Variants in DNAH11 observed in about 807,000 individuals in gnomAD.
The protein encoded by DNAH11 is axonemal beta dynein heavy chain 11.
In DNAH11, 442 loss-of-function variants were observed where a neutral mutation model predicts 526.0. The observed-to-expected ratio is 0.84, with a 90% CI of 0.78 to 0.91. DNAH11 has a LOEUF of 0.91. DNAH11 is among the 40% of genes least tolerant of loss of function. The pLI is 0.00. For missense variants in DNAH11, 6,989 were observed against 5,448.7 expected, an observed-to-expected ratio of 1.28 and a Z score of -8.90; for synonymous variants, 2,461 against 1,935.9, an observed-to-expected ratio of 1.27 and a Z score of -7.12.
rs1178292378 is a variant in DNAH11 at position 21,798,087 on chromosome 7, A to T, written c.10027-3050A>T. ...ACCAGGGTCAGTAAGAGGCAGAGGA[A>T]CTAGAACCAAGACATTCATTCATTC... On this transcript the variant is annotated intron_variant, in intron 61 of 81. Coordinates refer to ENST00000409508, the MANE Select transcript of DNAH11 (RefSeq NM_001277115.2). Among the ~76,000 whole-genome samples the T allele has an allele frequency of 4.6e-5, 7 of 152,220 alleles. No individual in the cohort carries two copies. The East Asian group carries it at 1.3e-3, about 29-fold the overall frequency.
chr7:21,667,118 T>G (rs1258767106), intron 30 of DNAH11, among the ~76,000 whole-genome samples: 2 of 152,068 alleles, frequency 1.3e-5, no homozygotes, highest in African/African-American at 4.8e-5. Flanking sequence ...ATGTGGAGTT[T>G]ATGGTTAGTG....
At chr7:21,614,182 G>T (rs181971159) in intron 20 of DNAH11, among the ~76,000 whole-genome samples, 7 of 152,282 alleles carry the variant, frequency 4.6e-5, no homozygotes, top group East Asian at 3.9e-4. Context: ...TTAAGTATAG[G>T]TATTTAAAGT....
intron 2 of DNAH11, among the ~76,000 whole-genome samples, chr7:21,555,698 G>T (rs1272922496): frequency 6.6e-6 from 1 of 152,192 alleles, no homozygotes; most frequent in African/African-American, 2.4e-5. Context: ...TTGCCTGGTT[G>T]CCATGGTGCC....
chr7:21,564,081 G>A (rs372029122), intron 5 of DNAH11, 105 bp from the exon 6 acceptor site: 3 of 726,922 alleles, frequency 4.1e-6, no homozygotes, highest in Admixed American at 3.0e-5. Flanking sequence ...CAACATTTAA[G>A]TGTGGCCATG....
chr7:21,783,010 ATT>A (rs34330251), intron 57 of DNAH11, among the ~76,000 whole-genome samples: 1 of 151,764 alleles, frequency 6.6e-6, no homozygotes, highest in Non-Finnish European at 1.5e-5. Flanking sequence ...ATTTAAAATG[ATT>A]TTTTTAATGA....
At position 21,591,552 on chromosome 7, in the gene DNAH11, G is replaced by A; in HGVS notation, c.2642G>A (p.Gly881Asp). ...TKKYKLIQGD[G>D]CKIHNLVEEN... ...AAATACAAGTTAATCCAAGGAGATGGCTGCAAGATCCACAACTTGGTCGAG... is the reference window on the plus strand; with the variant it reads ...AAATACAAGTTAATCCAAGGAGATGACTGCAAGATCCACAACTTGGTCGAG... The change falls in exon 14 of 82, where the codon GGC becomes GAC. Residue 881 changes from glycine to aspartate, a missense_variant. By Grantham distance (94) the Gly-to-Asp change is moderately conservative. Transcript: ENST00000409508. The A allele has an allele frequency of 3.2e-6, 5 of 1,575,916 alleles. No homozygotes were observed. The highest frequency in any genetic ancestry group is 4.3e-6 in the Non-Finnish European group (5 of 1,156,826).
chr7:21,614,692 G>C (rs1785684402), intron 20 of DNAH11, among the ~76,000 whole-genome samples: 1 of 152,094 alleles, frequency 6.6e-6, no homozygotes, highest in Non-Finnish European at 1.5e-5. Context: ...ATAATCTGTA[G>C]GGTATTTTTT....
At chr7:21,683,973 G>C (rs774832795) in intron 32 of DNAH11, 29 bp downstream of exon 32, 3 of 1,603,968 alleles carry the variant, frequency 1.9e-6, no homozygotes, top group Non-Finnish European at 2.6e-6. Context: ...CGTCCAGATA[G>C]GAAAAACAAC....
chr7:21,586,957 T>G (rs1784496678), intron 9 of DNAH11, among the ~76,000 whole-genome samples: 2 of 152,208 alleles, frequency 1.3e-5, no homozygotes, highest in Non-Finnish European at 2.9e-5. Context: ...CACTAGCTGT[T>G]ACGAATTTGG....
At chr7:21,737,981 TA>T (rs1172151461) in intron 46 of DNAH11, among the ~76,000 whole-genome samples, 3 of 152,144 alleles carry the variant, frequency 2.0e-5, no homozygotes, top group South Asian at 2.1e-4. Flanking sequence ...TTTGCTCATT[TA>T]AAAAAAGTAC....
intron 63 of DNAH11, among the ~76,000 whole-genome samples, chr7:21,809,002 T>C (rs924640762): frequency 6.6e-6 from 1 of 152,222 alleles, no homozygotes. Flanking sequence ...CCACCAGCAG[T>C]ATACAAGCTT....
chr7:21,601,085 G>A lies in DNAH11; in HGVS notation c.3331G>A (p.Val1111Met). The A allele has an allele frequency of 1.9e-6, 3 of 1,611,638 alleles. No homozygotes were observed. The highest frequency in any genetic ancestry group is 2.5e-6 in the Non-Finnish European group (3 of 1,179,486). ...DFRVFDSWFK[V>M]DMKPFKVSLL... Reference sequence around the variant, plus strand: ...TAGAGTGTTTGATAGTTGGTTCAAGGTGGACATGAAGCCTTTCAAAGTGAG... The same window carrying A: ...TAGAGTGTTTGATAGTTGGTTCAAGATGGACATGAAGCCTTTCAAAGTGAG... Residue 1111 changes from valine to methionine, a missense_variant, in exon 17 of 82, where the codon GTG becomes ATG. Coordinates refer to ENST00000409508, the MANE Select transcript of DNAH11 (RefSeq NM_001277115.2).
In DNAH11 at chr7:21,615,204, C is replaced by T; in HGVS notation, c.3943C>T (p.Gln1315Ter). 1 of 1,613,316 alleles carries T rather than the reference C, an allele frequency of 6.2e-7. No individual in the cohort carries two copies. The highest frequency in any genetic ancestry group is 8.5e-7 in the Non-Finnish European group (1 of 1,179,562). Residue 1315 changes from glutamine to a stop codon, truncating the protein, a stop_gained, in exon 21 of 82, where the codon CAA (glutamine) becomes TAA (stop). Coordinates refer to ENST00000409508, the MANE Select transcript of DNAH11 (RefSeq NM_001277115.2). LOFTEE classifies it high-confidence loss of function. ...TGAAGTGGCTCTTCCAGAGTACAAA[C>T]AAATGAAACAGTGTCGCAAAGAAAT... ...LFEVALPEYK[Q>*]MKQCRKEIKL...
At chr7:21,549,621 C>G (rs1287498941) in intron 2 of DNAH11, among the ~76,000 whole-genome samples, 1 of 152,098 alleles carries the variant, frequency 6.6e-6, no homozygotes, top group African/African-American at 2.4e-5. Flanking sequence ...GAGCTGGATT[C>G]TCAATGGTGA....
At chr7:21,900,744 T>TCTTCC (rs1369465368) in intron 81 of DNAH11, among the ~76,000 whole-genome samples, 1 of 152,086 alleles carries the variant, frequency 6.6e-6, no homozygotes, top group Non-Finnish European at 1.5e-5. Context: ...ATGTGAATTC[T>TCTTCC]CTTAGAATCC....
Position 21,900,117 on chromosome 7 carries a change from G to A in DNAH11, c.13300G>A (p.Glu4434Lys). 1 of 1,612,614 alleles carries A rather than the reference G, an allele frequency of 6.2e-7. No homozygotes were observed. Among genetic ancestry groups the A allele is most frequent in the Non-Finnish European group, 8.5e-7 (1 of 1,179,148 alleles). Residue 4434 changes from glutamate to lysine, a missense_variant, in exon 81 of 82, where the codon GAG becomes AAG. Transcript: ENST00000409508. ...TGCATACCTCCACGGACTCTTCATG[G>A]AGGGTAAGACACCCCAAGGGGTAAG... is the stretch of plus-strand genomic sequence containing the variant. Reference protein sequence around the residue: ...EGAYLHGLFMEGARWDTQAGT... With the variant: ...EGAYLHGLFMKGARWDTQAGT...
chr7:21,723,777 TC>T (rs1266335409), intron 44 of DNAH11, among the ~76,000 whole-genome samples: 1 of 150,568 alleles, frequency 6.6e-6, no homozygotes, highest in Non-Finnish European at 1.5e-5. Context: ...GGGTCCAGTT[TC>T]TTGAGCACAC....
At chr7:21,572,046 A>G (rs1783913922) in intron 8 of DNAH11, 73 bp downstream of exon 8, 7 of 1,281,452 alleles carry the variant, frequency 5.5e-6, no homozygotes, top group Non-Finnish European at 7.1e-6. Context: ...GATAGGTCAC[A>G]GTGATAATAG....
intron 32 of DNAH11, among the ~76,000 whole-genome samples, chr7:21,684,975 A>G (rs767605542): frequency 1.3e-5 from 2 of 152,222 alleles, no homozygotes; most frequent in Non-Finnish European, 2.9e-5. Context: ...AATTTCAAAT[A>G]TAAGTCTATA....
Sources: gnomAD v4.1 joint callset for allele counts (sites outside exome capture counted in the v4.1 genomes callset) on GRCh38, gnomAD v4.1.1 for gene constraint, MANE v1.5 for transcripts, NCBI Gene and HGNC (gene_info 2026-07-23, HGNC 2026-07-21) for gene names.